KCNQ1: variants seen among roughly 807,000 people sequenced by gnomAD.
KCNQ1 encodes the protein potassium voltage-gated channel subfamily Q member 1.
A neutral mutation model predicts 72.4 loss-of-function variants in KCNQ1; 49 were observed. That is an observed-to-expected ratio of 0.68 (90% confidence interval 0.54 to 0.86). The LOEUF (loss-of-function observed/expected upper bound fraction) is 0.86, where lower values mean the gene tolerates loss of function less well. Among genes scored for constraint, KCNQ1 ranks in the 40% least tolerant of loss-of-function variants. KCNQ1 has a pLI of 0.00. For synonymous variants in KCNQ1, 450 were observed against 412.6 expected (o/e 1.09, Z -1.10); for missense variants, 790 against 945.1 (o/e 0.84, Z 2.15).
intron 10 of KCNQ1, chr11:2,632,635 C>T (rs1324001001): frequency 5.0e-6 from 2 of 398,184 alleles, no homozygotes; most frequent in Non-Finnish European, 8.9e-6. Flanking sequence ...TTAGCATATT[C>T]ATCAACTCAA....
intron 15 of KCNQ1, among the ~76,000 whole-genome samples, chr11:2,796,770 C>A (rs1303938082): frequency 3.3e-5 from 5 of 152,228 alleles, no homozygotes; most frequent in Non-Finnish European, 7.3e-5. Context: ...GCGGCAGCGG[C>A]TCTCGGCCTG....
chr11:2,594,989 A>G (rs1361544871), intron 10 of KCNQ1, among the ~76,000 whole-genome samples: 2 of 152,128 alleles, frequency 1.3e-5, no homozygotes, highest in Non-Finnish European at 2.9e-5. Context: ...TGTATCCTGT[A>G]TAAGGTACAT....
chr11:2,678,966 G>C lies in KCNQ1; in HGVS notation c.1514+16885G>C. 2.5e-6 allele frequency: 1 copy of C among 398,574 alleles called. No individual in the cohort carries two copies. Among genetic ancestry groups the C allele is most frequent in the Non-Finnish European group, 4.4e-6 (1 of 226,058 alleles). The allele number at this position is 398,574 out of a possible 1,614,324, so 24.7% of individuals were successfully genotyped here. A position where few individuals can be genotyped will look rare whatever the true frequency, so the allele number is the denominator to read the frequency against. On this transcript the variant is annotated intron_variant, in intron 11 of 15. Coordinates refer to ENST00000155840, the MANE Select transcript of KCNQ1 (RefSeq NM_000218.3). The surrounding 1 kb of genome is among the most constrained non-coding windows in gnomAD (Gnocchi z 4.9). ...TGCTAACTCAATAGAGAACAAAAGA[G>C]CAAATAGGCCTAATTCAAGAATTTT... is the stretch of plus-strand genomic sequence containing the variant.
intron 15 of KCNQ1, among the ~76,000 whole-genome samples, chr11:2,842,652 G>A (rs1848237244): frequency 6.6e-6 from 1 of 152,114 alleles, no homozygotes; most frequent in Non-Finnish European, 1.5e-5. Context: ...ACAGCCACAG[G>A]TTCGTACGAG....
intron 2 of KCNQ1, among the ~76,000 whole-genome samples, chr11:2,530,488 A>G (rs570202513): frequency 6.6e-6 from 1 of 152,328 alleles, no homozygotes; most frequent in East Asian, 1.9e-4. Context: ...ATTCCCCTGG[A>G]GAGTCTCCGT....
intron 11 of KCNQ1, among the ~76,000 whole-genome samples, chr11:2,730,800 A>G (rs895642026): frequency 5.9e-5 from 9 of 152,202 alleles, no homozygotes; most frequent in African/African-American, 2.2e-4. Flanking sequence ...TTCGAAGGGC[A>G]GAGGAGGGAA....
intron 2 of KCNQ1, among the ~76,000 whole-genome samples, chr11:2,558,194 C>T (rs980392951): frequency 6.6e-6 from 1 of 152,254 alleles, no homozygotes; most frequent in African/African-American, 2.4e-5. Flanking sequence ...CCAGCACCAA[C>T]TGTAGATGCT....
rs12574863 is a variant in KCNQ1, at chr11:2,564,992, G to T, written c.478-5636G>T. Among the ~76,000 whole-genome samples the T allele has an allele frequency of 8.9e-4, 136 of 152,294 alleles. No homozygotes were observed. The East Asian group carries it at 0.024, about 27-fold the overall frequency. On this transcript the variant is annotated intron_variant, in intron 2 of 15. Coordinates refer to ENST00000155840, the MANE Select transcript of KCNQ1 (RefSeq NM_000218.3). The surrounding 1 kb of genome is among the most constrained non-coding windows in gnomAD (Gnocchi z 4.5). ...CTTCCGTCTCCGTCGGTGCACTGAG[G>T]GACACTGGGCTGGTTCCCCTTTTTG...
In KCNQ1 at chr11:2,663,750, G is replaced by A. The variant is rs1850012042; in HGVS notation, c.1514+1669G>A. 1 of 398,738 alleles carries A rather than the reference G, an allele frequency of 2.5e-6. No homozygotes were observed. The highest frequency in any genetic ancestry group is 3.6e-5 in the East Asian group (1 of 28,072). 24.7% of individuals were successfully genotyped at this position (398,738 alleles called of 1,614,324 possible). A position where few individuals can be genotyped will look rare whatever the true frequency, so the allele number is the denominator to read the frequency against. On this transcript the variant is annotated intron_variant, in intron 11 of 15. Transcript: ENST00000155840. The surrounding 1 kb of genome is among the most constrained non-coding windows in gnomAD (Gnocchi z 5.2). The stretch of plus-strand genomic sequence containing the variant: ...GCAGGTGAAGGTGGTGAGAGACCAG[G>A]CACTTATGTGGATCACAGCCAAACT...
In KCNQ1 at chr11:2,608,937, CCT is replaced by C; in HGVS notation, c.1393+20090_1393+20091del. ...CTCCCCTTCTTTTCTTCTCCCTCTC[CCT>C]CTCTCTTACCAATCTATCAAAGGTT... On this transcript the variant is annotated intron_variant, in intron 10 of 15. Coordinates refer to ENST00000155840, the MANE Select transcript of KCNQ1 (RefSeq NM_000218.3). The surrounding 1 kb of genome is among the most constrained non-coding windows in gnomAD (Gnocchi z 4.6). The C allele has an allele frequency of 2.5e-6, 1 of 398,400 alleles. No individual in the cohort carries two copies. Among genetic ancestry groups the C allele is most frequent in the Non-Finnish European group, 4.4e-6 (1 of 226,042 alleles). 24.7% of individuals were successfully genotyped at this position (398,400 alleles called of 1,614,324 possible).
chr11:2,668,631 T>C lies in KCNQ1; in HGVS notation c.1514+6550T>C, dbSNP rs956865696. 5.0e-6 allele frequency: 2 copies of C among 398,598 alleles called. No homozygotes were observed. Among genetic ancestry groups the C allele is most frequent in the African/African-American group, 4.1e-5 (2 of 48,740 alleles). 24.7% of individuals were successfully genotyped at this position (398,598 alleles called of 1,614,324 possible). A position where few individuals can be genotyped will look rare whatever the true frequency, so the allele number is the denominator to read the frequency against. On this transcript the variant is annotated intron_variant, in intron 11 of 15. Coordinates refer to ENST00000155840, the MANE Select transcript of KCNQ1 (RefSeq NM_000218.3). The surrounding 1 kb of genome is among the most constrained non-coding windows in gnomAD (Gnocchi z 4.3). ...CTACATCTTCTGCCTGTTTTATGTT[T>C]ATTTATGGTCCTATATATCTTTAGA...
intron 11 of KCNQ1, among the ~76,000 whole-genome samples, chr11:2,751,576 C>T (rs971339722): frequency 6.6e-6 from 1 of 152,268 alleles, no homozygotes; most frequent in Non-Finnish European, 1.5e-5. Context: ...TCCCGGCCAA[C>T]AGGCCACTAG....
chr11:2,753,888 TTTG>T (rs1426144563), intron 11 of KCNQ1, among the ~76,000 whole-genome samples: 13 of 152,218 alleles, frequency 8.5e-5, no homozygotes, highest in African/African-American at 2.9e-4. Flanking sequence ...GCTGGTTTTT[TTTG>T]TTGTTGTTGT....
At chr11:2,730,545 G>A (rs1043203863) in intron 11 of KCNQ1, among the ~76,000 whole-genome samples, 39 of 152,298 alleles carry the variant, frequency 2.6e-4, no homozygotes, top group East Asian at 2.1e-3. Context: ...GGGTGATCTG[G>A]AGGAGCCGGT....
chr11:2,544,628 C>G lies in KCNQ1; in HGVS notation c.477+16610C>G, dbSNP rs1257695204. On this transcript the variant is annotated intron_variant, in intron 2 of 15. Coordinates refer to ENST00000155840, the MANE Select transcript of KCNQ1 (RefSeq NM_000218.3). This position sits in a 1 kb window ranked among gnomAD's most constrained non-coding sequence, Gnocchi z 4.4. ...TATGGTCAATGGTATTTCTTCTAAT[C>G]TAGAACTGAAATTCATTTTGACAAA... 1.3e-5 allele frequency among the ~76,000 whole-genome samples: 2 copies of G among 152,082 alleles called. No homozygotes were observed. The highest frequency in any genetic ancestry group is 4.8e-5 in the African/African-American group (2 of 41,402).
chr11:2,465,763 A>C (rs981606476), intron 1 of KCNQ1, among the ~76,000 whole-genome samples: 1 of 152,150 alleles, frequency 6.6e-6, no homozygotes, highest in African/African-American at 2.4e-5. Flanking sequence ...CTCTGGGTAG[A>C]GCCTGTGTTC....
chr11:2,844,922 C>A (rs944178189), intron 15 of KCNQ1, among the ~76,000 whole-genome samples: 3 of 152,260 alleles, frequency 2.0e-5, no homozygotes, highest in African/African-American at 7.2e-5. Flanking sequence ...TTCCACACTA[C>A]CAGTATGCGG....
chr11:2,662,901 G>A (rs1200005075), intron 11 of KCNQ1: 2 of 398,590 alleles, frequency 5.0e-6, no homozygotes, highest in African/African-American at 4.1e-5. Flanking sequence ...TGGACTCTCT[G>A]GGGGTCAGGA....
rs1846940940 is a variant in KCNQ1 at position 2,787,845 on chromosome 11, A to G, written c.1794+9808A>G. 7.0e-6 allele frequency among the ~76,000 whole-genome samples: 1 copy of G among 143,674 alleles called. No individual in the cohort carries two copies. Among genetic ancestry groups the G allele is most frequent in the Admixed American group, 7.4e-5 (1 of 13,536 alleles). The allele number at this position is 143,674 out of a possible 152,430, so 94.3% of individuals were successfully genotyped here. A position where few individuals can be genotyped will look rare whatever the true frequency, so the allele number is the denominator to read the frequency against. On this transcript the variant is annotated intron_variant, in intron 15 of 15. Transcript: ENST00000155840. The surrounding 1 kb of genome is among the most constrained non-coding windows in gnomAD (Gnocchi z 6.3). Reference sequence around the variant, plus strand: ...AAACATACTGAAGGGTTTTCTAATAACCGAATGAAGGATCTATCTTTAAAT... The same window carrying G: ...AAACATACTGAAGGGTTTTCTAATAGCCGAATGAAGGATCTATCTTTAAAT...
Sources: gnomAD v4.1 joint callset for allele counts (sites outside exome capture counted in the v4.1 genomes callset) on GRCh38, gnomAD v4.1.1 for gene constraint, Gnocchi (gnomAD v3.1) non-coding constraint, MANE v1.5 for transcripts, NCBI Gene and HGNC (gene_info 2026-07-23, HGNC 2026-07-21) for gene names.